Variants in ACSS3 observed in about 807,000 individuals in gnomAD.
ACSS3 encodes the protein acyl-CoA synthetase short-chain family member 3, mitochondrial.
A neutral mutation model predicts 84.2 loss-of-function variants in ACSS3; 64 were observed. That is an observed-to-expected ratio of 0.76 (90% CI 0.62 to 0.94). The LOEUF is 0.94. Among genes scored for constraint, ACSS3 ranks in the 40% least tolerant of loss-of-function variants. The pLI is 0.00. For missense variants in ACSS3, 815 were observed against 867.6 expected (o/e 0.94, Z 0.76); for synonymous variants, 317 against 310.1 (o/e 1.02, Z -0.23).
chr12:81,239,457 C>T (rs142019661), intron 13 of ACSS3, among the ~76,000 whole-genome samples: 31 of 152,044 alleles, frequency 2.0e-4, no homozygotes, highest in African/African-American at 6.7e-4. Flanking sequence ...CTAGTAAAGA[C>T]ATACCTGAGA....
intron 5 of ACSS3, among the ~76,000 whole-genome samples, chr12:81,144,294 T>C (rs976605815): frequency 6.6e-6 from 1 of 152,036 alleles, no homozygotes; most frequent in African/African-American, 2.4e-5. Context: ...CTGTATGTAG[T>C]TGGTGCTCAA....
chr12:81,184,391 G>A (rs191805391), intron 8 of ACSS3, among the ~76,000 whole-genome samples: 22 of 151,626 alleles, frequency 1.5e-4, no homozygotes, highest in Non-Finnish European at 3.0e-4. Context: ...AATGCAAAAC[G>A]AATAAACAAC....
chr12:81,125,268 C>G (rs1444263434), intron 2 of ACSS3, among the ~76,000 whole-genome samples: 5 of 152,110 alleles, frequency 3.3e-5, no homozygotes, highest in Non-Finnish European at 7.4e-5. Context: ...CTACTACTAG[C>G]TAGTTTCTTA....
intron 5 of ACSS3, chr12:81,151,557 G>GT (rs3842303): frequency 0.063 from 16,831 of 266,180 alleles, 717 homozygotes; most frequent in Admixed American, 0.11. Flanking sequence ...CATTAGAAAA[G>GT]TTTGTATTGC....
At chr12:81,204,040 A>T (rs115026145) in intron 9 of ACSS3, among the ~76,000 whole-genome samples, 3,513 of 152,264 alleles carry the variant, frequency 0.023, 132 homozygotes, top group African/African-American at 0.079. Context: ...ACGATCCCCA[A>T]ATAAAACACT....
intron 4 of ACSS3, among the ~76,000 whole-genome samples, chr12:81,139,982 A>G (rs1459107851): frequency 6.6e-6 from 1 of 152,080 alleles, no homozygotes; most frequent in African/African-American, 2.4e-5. Context: ...TGATAATATT[A>G]TTACTATTTT....
At chr12:81,094,902 A>G (rs958692542) in intron 1 of ACSS3, among the ~76,000 whole-genome samples, 1 of 152,170 alleles carries the variant, frequency 6.6e-6, no homozygotes, top group African/African-American at 2.4e-5. Context: ...ACACCAGGTC[A>G]GCTAGTTGGG....
At chr12:81,168,065 G>A (rs1887486412) in intron 7 of ACSS3, among the ~76,000 whole-genome samples, 1 of 152,208 alleles carries the variant, frequency 6.6e-6, no homozygotes, top group Non-Finnish European at 1.5e-5. Flanking sequence ...TATGATTAAA[G>A]TAATGGGGAG....
chr12:81,188,729 C>T (rs935972434), intron 8 of ACSS3, among the ~76,000 whole-genome samples: 2 of 152,066 alleles, frequency 1.3e-5, no homozygotes, highest in Non-Finnish European at 2.9e-5. Context: ...TTAGATCACT[C>T]TTTATGAGTA....
chr12:81,212,401 A>G (rs552761299), intron 9 of ACSS3, among the ~76,000 whole-genome samples: 5 of 152,324 alleles, frequency 3.3e-5, no homozygotes, highest in African/African-American at 1.2e-4. Flanking sequence ...TTCCTGCCAC[A>G]GGGATTTTTC....
intron 2 of ACSS3, among the ~76,000 whole-genome samples, chr12:81,131,835 A>C (rs1326046602): frequency 1.3e-5 from 2 of 152,180 alleles, no homozygotes; most frequent in African/African-American, 4.8e-5. Context: ...TTTTAGCATG[A>C]AAGGCTGTTG....
intron 5 of ACSS3, 87 bp downstream of exon 5, chr12:81,143,334 G>C: frequency 7.5e-7 from 1 of 1,330,816 alleles, no homozygotes; most frequent in Non-Finnish European, 1.0e-6. Flanking sequence ...AATGTTTGCA[G>C]ACTTTACTTT....
intron 13 of ACSS3, among the ~76,000 whole-genome samples, chr12:81,240,222 C>A (rs1023954292): frequency 1.3e-5 from 2 of 151,954 alleles, no homozygotes; most frequent in African/African-American, 2.4e-5. Flanking sequence ...CCAATTCTAT[C>A]AGTTTTGCCT....
chr12:81,225,500 A>G (rs2033244028), intron 11 of ACSS3, among the ~76,000 whole-genome samples: 1 of 151,930 alleles, frequency 6.6e-6, no homozygotes, highest in Non-Finnish European at 1.5e-5. Context: ...CACACATGCT[A>G]TTTCCAGCAG....
In ACSS3 at chr12:81,252,519, A is replaced by G. The variant is rs187380438; in HGVS notation, c.1720-788A>G. ...CTATTAGAGCTAGAGAGTCACTGAA[A>G]TAATGATTATTGGGGTCACCAAAAT... On this transcript the variant is annotated intron_variant, in intron 13 of 15. Transcript: ENST00000548058. Among the ~76,000 whole-genome samples the G allele has an allele frequency of 1.6e-4, 24 of 152,240 alleles. No individual in the cohort carries two copies. The East Asian group carries it at 3.9e-3, about 25-fold the overall frequency.
chr12:81,156,206 A>ACACC (rs1555176593), intron 7 of ACSS3, among the ~76,000 whole-genome samples: 25 of 120,226 alleles, frequency 2.1e-4, no homozygotes, highest in Admixed American at 5.4e-4. Flanking sequence ...ACACACACAC[A>ACACC]CCCCACACAC....
At chr12:81,125,628 G>C (rs932122126) in intron 2 of ACSS3, 1 of 151,744 alleles carries the variant, frequency 6.6e-6, no homozygotes, top group African/African-American at 2.4e-5. Flanking sequence ...CATCCCGCCT[G>C]GGTGATTATA....
intron 1 of ACSS3, among the ~76,000 whole-genome samples, chr12:81,090,696 T>C (rs1881614098): frequency 6.6e-6 from 1 of 152,032 alleles, no homozygotes; most frequent in Non-Finnish European, 1.5e-5. Context: ...GCAGTTGGCT[T>C]CCTTTGCCTC....
At chr12:81,250,670 T>C (rs1353279973) in intron 13 of ACSS3, among the ~76,000 whole-genome samples, 1 of 152,084 alleles carries the variant, frequency 6.6e-6, no homozygotes, top group Admixed American at 6.6e-5. Flanking sequence ...GATTTATTTT[T>C]TAACAGTGAT....
Sources: gnomAD v4.1 joint callset for allele counts (sites outside exome capture counted in the v4.1 genomes callset) on GRCh38, gnomAD v4.1.1 for gene constraint, MANE v1.5 for transcripts, NCBI Gene and HGNC (gene_info 2026-07-23, HGNC 2026-07-21) for gene names.